VTA1: variants seen among roughly 807,000 people sequenced by gnomAD.
The protein encoded by VTA1 is vesicle trafficking 1.
VTA1 carries 24 observed loss-of-function variants against 36.9 expected under a neutral mutation model. The observed-to-expected ratio is 0.65, with a 90% CI of 0.47 to 0.91. The LOEUF (loss-of-function observed/expected upper bound fraction) is 0.91, where lower values mean the gene tolerates loss of function less well. Ranked by LOEUF, VTA1 falls within the 40% of genes least tolerant of loss-of-function variation. The pLI is 0.00. For synonymous variants in VTA1, 142 were observed against 130.2 expected (o/e 1.09, Z -0.62); for missense variants, 393 against 377.2 (o/e 1.04, Z -0.35).
chr6:142,152,207 A>T (rs967929258), intron 1 of VTA1, among the ~76,000 whole-genome samples: 15 of 152,194 alleles, frequency 9.9e-5, no homozygotes, highest in African/African-American at 2.4e-4. Context: ...GATTGAAAGA[A>T]GATGATGAAT....
chr6:142,204,703 T>A (rs558155995), intron 7 of VTA1, among the ~76,000 whole-genome samples: 209 of 46,672 alleles, frequency 4.5e-3, no homozygotes, highest in African/African-American at 0.019. Context: ...TAAAAGGATT[T>A]AAATTTAAAT....
chr6:142,169,811 A>G lies in VTA1; in HGVS notation c.335+134A>G, dbSNP rs1333595939. 42 of 807,000 alleles carry G rather than the reference A, an allele frequency of 5.2e-5. No individual in the cohort carries two copies. The South Asian group carries it at 6.2e-4, about 12-fold the overall frequency. 50.0% of individuals were successfully genotyped at this position (807,000 alleles called of 1,614,324 possible). A position where few individuals can be genotyped will look rare whatever the true frequency, so the allele number is the denominator to read the frequency against. ...TTTTAGAAAAAAATTATCAAACCTC[A>G]CGGTGATTTTAGATTACAAATTCGG... On this transcript the variant is annotated intron_variant, in intron 3 of 7. Coordinates refer to ENST00000367630, the MANE Select transcript of VTA1 (RefSeq NM_016485.5).
chr6:142,174,821 A>G (rs928674875), intron 4 of VTA1, among the ~76,000 whole-genome samples: 4 of 152,094 alleles, frequency 2.6e-5, no homozygotes, highest in Non-Finnish European at 4.4e-5. Flanking sequence ...GTGGTGGTTT[A>G]AAAGAGCCTG....
At position 142,172,931 on chromosome 6, in the gene VTA1, T is replaced by G. The variant is rs1018941227; in HGVS notation, c.411+2510T>G. Among the ~76,000 whole-genome samples, 3 of 148,254 alleles carry G rather than the reference T, an allele frequency of 2.0e-5. No homozygotes were observed. In the East Asian group the frequency reaches 5.9e-4, roughly 29 times the overall value. On this transcript the variant is annotated intron_variant, in intron 4 of 7. Coordinates refer to ENST00000367630, the MANE Select transcript of VTA1 (RefSeq NM_016485.5). Reference sequence around the variant, plus strand: ...CTTTGTATAATAGGAGCCTGTACAATGAACTGAAGTGAGGGAGAACTACAA... The same window carrying G: ...CTTTGTATAATAGGAGCCTGTACAAGGAACTGAAGTGAGGGAGAACTACAA...
chr6:142,148,741 T>C (rs984239094), intron 1 of VTA1, among the ~76,000 whole-genome samples: 1 of 152,190 alleles, frequency 6.6e-6, no homozygotes, highest in Non-Finnish European at 1.5e-5. Flanking sequence ...GCAGATGGGA[T>C]TTCAGTTTCA....
chr6:142,197,225 A>G (rs1775568878), intron 5 of VTA1, among the ~76,000 whole-genome samples: 2 of 152,240 alleles, frequency 1.3e-5, no homozygotes, highest in African/African-American at 2.4e-5. Flanking sequence ...ATGTATGTAA[A>G]GTATAAATAC....
intron 1 of VTA1, among the ~76,000 whole-genome samples, chr6:142,160,018 G>A (rs895056784): frequency 6.6e-5 from 10 of 152,022 alleles, no homozygotes; most frequent in African/African-American, 2.4e-4. Context: ...TTTCCTATCT[G>A]TTGGCCTCTT....
At chr6:142,165,559 G>A (rs931126870) in intron 1 of VTA1, among the ~76,000 whole-genome samples, 5 of 152,172 alleles carry the variant, frequency 3.3e-5, no homozygotes, top group Admixed American at 1.3e-4. Context: ...CATTAGCACT[G>A]ACACAGATCT....
intron 6 of VTA1, among the ~76,000 whole-genome samples, chr6:142,202,537 T>G (rs1280589027): frequency 6.6e-6 from 1 of 152,024 alleles, no homozygotes; most frequent in Non-Finnish European, 1.5e-5. Context: ...TCTGGAATTA[T>G]TGCTAGGACA....
At chr6:142,199,572 A>G (rs3804517) in intron 6 of VTA1, among the ~76,000 whole-genome samples, 16,303 of 151,908 alleles carry the variant, frequency 0.11, 1,019 homozygotes, top group African/African-American at 0.16. Flanking sequence ...ATTTTACCCA[A>G]ATTTTTTTTA....
At chr6:142,198,113 A>ATGTGTGTGTGTGTGTG (rs1414329840) in intron 5 of VTA1, among the ~76,000 whole-genome samples, 18 of 117,020 alleles carry the variant, frequency 1.5e-4, no homozygotes, top group African/African-American at 6.1e-4. Context: ...AAATATATAT[A>ATGTGTGTGTGTGTGTG]TATATATGTG....
intron 7 of VTA1, among the ~76,000 whole-genome samples, chr6:142,207,805 C>T (rs1168101760): frequency 2.6e-5 from 4 of 152,014 alleles, no homozygotes; most frequent in African/African-American, 4.8e-5. Flanking sequence ...AAATCCTGGC[C>T]GGGCACTGTG....
intron 1 of VTA1, among the ~76,000 whole-genome samples, chr6:142,163,418 C>T (rs1774848299): frequency 1.3e-5 from 2 of 152,114 alleles, no homozygotes; most frequent in Non-Finnish European, 2.9e-5. Flanking sequence ...GTCTTGGTTA[C>T]ATGGCCATAT....
At chr6:142,185,790 A>G (rs1008845399) in intron 4 of VTA1, among the ~76,000 whole-genome samples, 6 of 152,226 alleles carry the variant, frequency 3.9e-5, no homozygotes, top group African/African-American at 1.4e-4. Flanking sequence ...ATAGCCACTT[A>G]CATACCACAG....
chr6:142,166,193 T>A (rs745709412), intron 1 of VTA1, 35 bp from the exon 2 acceptor site: 2 of 1,462,998 alleles, frequency 1.4e-6, no homozygotes, highest in East Asian at 4.6e-5. Context: ...TGTTTAAAAA[T>A]GAAATTGTTC....
chr6:142,178,698 G>T (rs1775170849), intron 4 of VTA1, among the ~76,000 whole-genome samples: 1 of 152,002 alleles, frequency 6.6e-6, no homozygotes, highest in African/African-American at 2.4e-5. Flanking sequence ...ATAAACAGGT[G>T]GGACCAATGC....
chr6:142,174,387 C>T (rs1176399677), intron 4 of VTA1, among the ~76,000 whole-genome samples: 1 of 151,892 alleles, frequency 6.6e-6, no homozygotes, highest in African/African-American at 2.4e-5. Flanking sequence ...TTTTTTTGGG[C>T]AGTTTCTCCC....
chr6:142,163,652 A>G (rs1774856349), intron 1 of VTA1, among the ~76,000 whole-genome samples: 2 of 152,142 alleles, frequency 1.3e-5, no homozygotes, highest in Non-Finnish European at 2.9e-5. Context: ...TATGCTGATG[A>G]AAAGCAGTGG....
intron 4 of VTA1, among the ~76,000 whole-genome samples, chr6:142,176,991 A>G (rs752348887): frequency 3.3e-5 from 5 of 152,090 alleles, no homozygotes; most frequent in African/African-American, 4.8e-5. Flanking sequence ...AAAGTGAGCA[A>G]CATCTTATTA....
Sources: gnomAD v4.1 joint callset for allele counts (sites outside exome capture counted in the v4.1 genomes callset) on GRCh38, gnomAD v4.1.1 for gene constraint, MANE v1.5 for transcripts, NCBI Gene and HGNC (gene_info 2026-07-23, HGNC 2026-07-21) for gene names.